Variants in IL19 observed in about 807,000 individuals in gnomAD.
IL19 encodes the protein interleukin 19.
In IL19, 15 loss-of-function variants were observed where a neutral mutation model predicts 19.5. The observed-to-expected ratio is 0.77, with a 90% CI of 0.52 to 1.19. IL19 has a LOEUF of 1.19. IL19 is among the 50% of genes most tolerant of loss of function. The probability of loss-of-function intolerance (pLI) is 0.00; values close to 1 mark genes in which losing one functional copy is unlikely to be tolerated. For synonymous variants in IL19, 78 were observed against 78.3 expected (o/e 1.00, Z 0.02); for missense variants, 199 against 213.1 (o/e 0.93, Z 0.41).
chr1:206,797,117 C>T (rs931024068), intron 1 of IL19, among the ~76,000 whole-genome samples: 2 of 152,130 alleles, frequency 1.3e-5, no homozygotes, highest in African/African-American at 2.4e-5. Context: ...AGTGTAGAGA[C>T]TTTGCTGCGG....
intron 2 of IL19, among the ~76,000 whole-genome samples, chr1:206,804,261 A>G (rs558660491): frequency 6.6e-6 from 1 of 152,332 alleles, no homozygotes; most frequent in South Asian, 2.1e-4. Context: ...GCAGAATTGG[A>G]TAACATCTGT....
chr1:206,824,177 C>G (rs1676369908), intron 2 of IL19, among the ~76,000 whole-genome samples: 2 of 152,162 alleles, frequency 1.3e-5, no homozygotes, highest in Admixed American at 1.3e-4. Context: ...AGGGGGAAGG[C>G]AGGGAGGAGG....
At chr1:206,823,480 G>C (rs528547138) in intron 2 of IL19, among the ~76,000 whole-genome samples, 2 of 151,752 alleles carry the variant, frequency 1.3e-5, no homozygotes, top group South Asian at 4.2e-4. Context: ...GTGTGAACCC[G>C]GGAGGTGGAG....
rs1195687476 is a variant in IL19, at chr1:206,822,099, G to T, written c.-2-14562G>T. ...ATATTTGGTGCTGGGAAAACTGGGG[G>T]TTCTGGGCTAAGCCTGAAATTATTC... On this transcript the variant is annotated intron_variant, in intron 2 of 6. Coordinates refer to ENST00000659997, the MANE Select transcript of IL19 (RefSeq NM_153758.5). Among the ~76,000 whole-genome samples, 9 of 152,312 alleles carry T rather than the reference G, an allele frequency of 5.9e-5. No homozygotes were observed. The East Asian group carries it at 1.7e-3, about 29-fold the overall frequency.
intron 2 of IL19, among the ~76,000 whole-genome samples, chr1:206,818,393 A>G (rs1291826963): frequency 6.6e-6 from 1 of 152,238 alleles, no homozygotes; most frequent in Non-Finnish European, 1.5e-5. Context: ...ATGCAACACC[A>G]TGGACAAATC....
At chr1:206,833,931 G>C (rs181139506) in intron 2 of IL19, 66 of 985,592 alleles carry the variant, frequency 6.7e-5, no homozygotes, top group Non-Finnish European at 7.8e-5. Flanking sequence ...ACTGGATCGT[G>C]CTGCAGCCAG....
intron 1 of IL19, among the ~76,000 whole-genome samples, chr1:206,775,267 T>C (rs1674963175): frequency 6.6e-6 from 1 of 152,128 alleles, no homozygotes; most frequent in Non-Finnish European, 1.5e-5. Context: ...TTAACCAGGA[T>C]GGTCTCGATC....
At chr1:206,793,330 G>A (rs960660733) in intron 1 of IL19, among the ~76,000 whole-genome samples, 3 of 152,240 alleles carry the variant, frequency 2.0e-5, no homozygotes, top group Non-Finnish European at 4.4e-5. Context: ...GGGGCAGCAC[G>A]TGAGCTGGGC....
At chr1:206,800,793 C>A (rs1274312174) in intron 2 of IL19, among the ~76,000 whole-genome samples, 1 of 152,212 alleles carries the variant, frequency 6.6e-6, no homozygotes, top group Admixed American at 6.5e-5. Flanking sequence ...TTGGCCCTGG[C>A]CCCTCCTGGC....
chr1:206,839,772 C>T (rs1292635388), intron 4 of IL19, 78 bp from the exon 5 acceptor site: 5 of 1,269,668 alleles, frequency 3.9e-6, no homozygotes, highest in Non-Finnish European at 5.5e-6. Flanking sequence ...TGTCGCTGCC[C>T]CTACTCAAAT....
Position 206,771,073 on chromosome 1 carries a change from C to A in IL19, c.-154C>A, listed in dbSNP as rs753924360. 2 of 1,613,876 alleles carry A rather than the reference C, an allele frequency of 1.2e-6. No homozygotes were observed. The highest frequency in any genetic ancestry group is 1.7e-6 in the Non-Finnish European group (2 of 1,179,896). On this transcript the variant is annotated 5_prime_UTR_variant, in exon 1 of 7. Transcript: ENST00000659997. ...ACCCAGGTAACCCTAAGGGCAGGAG[C>A]CAAAGGTGAGTGAGAGATTGGCGGA...
At chr1:206,798,373 C>T (rs1675580304) in intron 1 of IL19, among the ~76,000 whole-genome samples, 2 of 152,074 alleles carry the variant, frequency 1.3e-5, no homozygotes, top group African/African-American at 2.4e-5. Context: ...ACCTGCAGTC[C>T]TTGGGGGGCT....
At chr1:206,834,919 G>A (rs149037457) in intron 2 of IL19, among the ~76,000 whole-genome samples, 24 of 152,228 alleles carry the variant, frequency 1.6e-4, no homozygotes, top group African/African-American at 4.8e-4. Flanking sequence ...GCTTGGGCAG[G>A]TTACTTCATT....
intron 2 of IL19, among the ~76,000 whole-genome samples, chr1:206,822,000 G>A (rs900258017): frequency 3.3e-5 from 5 of 152,168 alleles, no homozygotes; most frequent in African/African-American, 9.7e-5. Context: ...GAGTTCTCTC[G>A]TCATGTCCGT....
At chr1:206,839,639 A>G (rs562005311) in intron 4 of IL19, among the ~76,000 whole-genome samples, 1 of 152,212 alleles carries the variant, frequency 6.6e-6, no homozygotes, top group African/African-American at 2.4e-5. Context: ...CCATACAGAA[A>G]AAGGGGAGAA....
chr1:206,798,737 T>C (rs555060228), intron 1 of IL19, 124 bp from the exon 2 acceptor site: 3 of 580,962 alleles, frequency 5.2e-6, no homozygotes, highest in East Asian at 6.0e-5. Context: ...CGGTTCAGAG[T>C]AGCTGGGTTG....
intron 2 of IL19, among the ~76,000 whole-genome samples, chr1:206,802,736 C>T (rs1418706009): frequency 6.6e-6 from 1 of 152,102 alleles, no homozygotes. Context: ...ACTGTCCCTC[C>T]CTTCCCTGTA....
chr1:206,785,970 C>T (rs1237378459), intron 1 of IL19, among the ~76,000 whole-genome samples: 1 of 148,894 alleles, frequency 6.7e-6, no homozygotes, highest in African/African-American at 2.5e-5. Context: ...AAAGGGGTCA[C>T]AGGATGTAAA....
At chr1:206,772,488 G>T in intron 1 of IL19, 2 of 1,548,122 alleles carry the variant, frequency 1.3e-6, no homozygotes, top group Non-Finnish European at 1.8e-6. Context: ...GCAAGCCCCT[G>T]ATGTGTAGAC....
Sources: gnomAD v4.1 joint callset for allele counts (sites outside exome capture counted in the v4.1 genomes callset) on GRCh38, gnomAD v4.1.1 for gene constraint, MANE v1.5 for transcripts, NCBI Gene and HGNC (gene_info 2026-07-23, HGNC 2026-07-21) for gene names.